SORCS1: variants seen among roughly 807,000 people sequenced by gnomAD.
The protein encoded by SORCS1 is sortilin related VPS10 domain containing receptor 1.
In SORCS1, 60 loss-of-function variants were observed where a neutral mutation model predicts 146.1. The observed-to-expected ratio is 0.41, with a 90% CI of 0.33 to 0.51. The LOEUF is 0.51. Among genes scored for constraint, SORCS1 ranks in the 20% least tolerant of loss-of-function variants. The pLI is 0.21. For missense variants in SORCS1, 1,352 were observed against 1,487.6 expected (o/e 0.91, Z 1.50); for synonymous variants, 637 against 584.0 (o/e 1.09, Z -1.31).
rs114120360 is a variant in SORCS1 at position 107,103,287 on chromosome 10, G to A, written c.558+60682C>T. Among the ~76,000 whole-genome samples, 816 of 152,266 alleles carry A rather than the reference G, an allele frequency of 5.4e-3. 5 individuals carry two copies. Among genetic ancestry groups the A allele is most frequent in the African/African-American group, 0.019 (789 of 41,558 alleles). ...TAAGAAACAAAGGAACAGAAGCCAC[G>A]CTAACCCAGCCCTTGATGTGCAAAT... On this transcript the variant is annotated intron_variant, in intron 1 of 25. Transcript: ENST00000263054.
chr10:106,937,170 T>TG (rs1313435710), intron 2 of SORCS1, among the ~76,000 whole-genome samples: 135 of 81,886 alleles, frequency 1.6e-3, no homozygotes, highest in African/African-American at 5.2e-3. Context: ...TCAGAAGATC[T>TG]GATTTTTTTT....
chr10:106,983,169 TATAA>T (rs1014597396), intron 1 of SORCS1, among the ~76,000 whole-genome samples: 80 of 146,746 alleles, frequency 5.5e-4, no homozygotes, highest in Middle Eastern at 3.6e-3. Context: ...TATTTCTATA[TATAA>T]ATATACATAT....
chr10:106,625,988 G>T (rs1848083670), intron 19 of SORCS1, among the ~76,000 whole-genome samples: 1 of 152,130 alleles, frequency 6.6e-6, no homozygotes, highest in South Asian at 2.1e-4. Flanking sequence ...CCAACTGTCA[G>T]GCTACAGGAG....
rs143199420 is a variant in SORCS1, at chr10:106,841,962, T to A, written c.627-12289A>T. 3.0e-3 allele frequency among the ~76,000 whole-genome samples: 453 copies of A among 152,312 alleles called. 3 individuals carry two copies. Among genetic ancestry groups the A allele is most frequent in the Admixed American group, 9.5e-3 (145 of 15,296 alleles). On this transcript the variant is annotated intron_variant, in intron 2 of 25. Transcript: ENST00000263054. Reference sequence around the variant, plus strand: ...AATATCAAGGTATGTGATTGCTGGATTGTATATTGAGTATATTTGTTTTGT... The same window carrying A: ...AATATCAAGGTATGTGATTGCTGGAATGTATATTGAGTATATTTGTTTTGT...
At chr10:106,678,915 A>G (rs1437873734) in intron 12 of SORCS1, among the ~76,000 whole-genome samples, 1 of 152,166 alleles carries the variant, frequency 6.6e-6, no homozygotes, top group Non-Finnish European at 1.5e-5. Flanking sequence ...ATCTACCCTT[A>G]AGGCTGCATA....
intron 18 of SORCS1, among the ~76,000 whole-genome samples, chr10:106,638,573 T>C (rs150068969): frequency 6.6e-6 from 1 of 152,350 alleles, no homozygotes; most frequent in East Asian, 1.9e-4. Context: ...GGAATCACTA[T>C]ACTATTTTTA....
At chr10:107,075,922 C>G (rs1025325600) in intron 1 of SORCS1, among the ~76,000 whole-genome samples, 6 of 151,912 alleles carry the variant, frequency 3.9e-5, no homozygotes, top group African/African-American at 1.2e-4. Flanking sequence ...TGTCACCAGC[C>G]ATATCAGCTG....
At chr10:106,642,595 T>G (rs564156032) in intron 18 of SORCS1, among the ~76,000 whole-genome samples, 2 of 152,314 alleles carry the variant, frequency 1.3e-5, no homozygotes, top group East Asian at 1.9e-4. Context: ...TGCCAGGGAT[T>G]TTTTGTCTTT....
intron 2 of SORCS1, among the ~76,000 whole-genome samples, chr10:106,913,289 AC>A (rs1952255413): frequency 6.6e-6 from 1 of 152,200 alleles, no homozygotes; most frequent in Non-Finnish European, 1.5e-5. Context: ...CAATGCCAGA[AC>A]CAAAGCCTCC....
At chr10:107,074,360 T>G (rs1274420718) in intron 1 of SORCS1, among the ~76,000 whole-genome samples, 1 of 152,210 alleles carries the variant, frequency 6.6e-6, no homozygotes, top group Non-Finnish European at 1.5e-5. Flanking sequence ...CCATGTCTCT[T>G]CATGACTTGA....
chr10:107,092,156 A>G (rs1197304872), intron 1 of SORCS1, among the ~76,000 whole-genome samples: 2 of 152,260 alleles, frequency 1.3e-5, no homozygotes, highest in East Asian at 3.9e-4. Flanking sequence ...AAGTTCAGAA[A>G]TGCTTCTAAG....
intron 17 of SORCS1, among the ~76,000 whole-genome samples, chr10:106,663,358 T>C (rs1850881581): frequency 6.6e-6 from 1 of 152,176 alleles, no homozygotes; most frequent in Non-Finnish European, 1.5e-5. Flanking sequence ...AAGTATTTAC[T>C]AGCAAATGCA....
At chr10:106,923,187 C>T (rs1360071268) in intron 2 of SORCS1, among the ~76,000 whole-genome samples, 4 of 152,226 alleles carry the variant, frequency 2.6e-5, no homozygotes, top group Non-Finnish European at 4.4e-5. Flanking sequence ...CCAGGTCCGG[C>T]CAACCATGGA....
intron 18 of SORCS1, among the ~76,000 whole-genome samples, chr10:106,648,720 A>G (rs9732511): frequency 0.24 from 37,027 of 151,926 alleles, 5,585 homozygotes; most frequent in East Asian, 0.52. Context: ...TAAATGATAC[A>G]GAAGTGGGGG....
chr10:106,801,941 T>C (rs1213078697), intron 3 of SORCS1, among the ~76,000 whole-genome samples: 1 of 152,236 alleles, frequency 6.6e-6, no homozygotes, highest in East Asian at 1.9e-4. Flanking sequence ...GTAGTTAGTT[T>C]AGCTCTAGTG....
chr10:107,052,392 A>G (rs1261120211), intron 1 of SORCS1, among the ~76,000 whole-genome samples: 1 of 152,150 alleles, frequency 6.6e-6, no homozygotes. Context: ...AAAAGTGGCC[A>G]TATAAATTAT....
At chr10:106,895,902 C>T (rs192993302) in intron 2 of SORCS1, among the ~76,000 whole-genome samples, 182 of 151,424 alleles carry the variant, frequency 1.2e-3, no homozygotes, top group African/African-American at 4.3e-3. Context: ...AAAATGTTAT[C>T]ATACATATAC....
At chr10:106,788,956 G>A (rs1414367042) in intron 3 of SORCS1, among the ~76,000 whole-genome samples, 2 of 152,228 alleles carry the variant, frequency 1.3e-5, no homozygotes, top group Non-Finnish European at 2.9e-5. Flanking sequence ...CTTCTGTCAA[G>A]ACATCCAGGC....
rs909125531 is a variant in SORCS1, at chr10:106,607,435, C to A, written c.3034-138G>T. On this transcript the variant is annotated intron_variant, in intron 22 of 25. Coordinates refer to ENST00000263054, the MANE Select transcript of SORCS1 (RefSeq NM_052918.5). ...AAAGCAGAGGCCTGGGCATATCAGGCAGGGAGTATGTGAGAGACAGCACTG... is the reference window on the plus strand; with the variant it reads ...AAAGCAGAGGCCTGGGCATATCAGGAAGGGAGTATGTGAGAGACAGCACTG... 1.2e-5 allele frequency: 14 copies of A among 1,191,980 alleles called. No individual in the cohort carries two copies. The Admixed American group carries it at 2.5e-4, about 21-fold the overall frequency. The allele number at this position is 1,191,980 out of a possible 1,614,324, so 73.8% of individuals were successfully genotyped here. A position where few individuals can be genotyped will look rare whatever the true frequency, so the allele number is the denominator to read the frequency against.
Sources: allele counts gnomAD v4.1 joint callset (sites outside exome capture counted in the v4.1 genomes callset), GRCh38; gene constraint gnomAD v4.1.1; transcripts MANE v1.5; gene names NCBI Gene and HGNC (gene_info 2026-07-23, HGNC 2026-07-21).